Variants in MAML2 observed in about 807,000 individuals in gnomAD.
MAML2 encodes mastermind-like protein 2.
Under a neutral mutation model 96.1 loss-of-function variants are expected in MAML2, and 22 were observed. That is an observed-to-expected ratio of 0.23 (90% CI 0.16 to 0.33). The LOEUF (loss-of-function observed/expected upper bound fraction) is 0.33. Among genes scored for constraint, MAML2 ranks in the 10% least tolerant of loss-of-function variants. The probability of loss-of-function intolerance (pLI) is 1.00; values close to 1 mark genes in which losing one functional copy is unlikely to be tolerated. For missense variants in MAML2, 1,367 were observed against 1,392.4 expected (o/e 0.98, Z 0.29); for synonymous variants, 561 against 521.3 (o/e 1.08, Z -1.04).
intron 2 of MAML2, among the ~76,000 whole-genome samples, chr11:96,084,319 G>A (rs1277583599): frequency 6.6e-6 from 1 of 152,176 alleles, no homozygotes; most frequent in Admixed American, 6.5e-5. Flanking sequence ...GTGATGACAT[G>A]ATCAAATTCC....
In MAML2 at chr11:96,180,389, G is replaced by C. The variant is rs543701441; in HGVS notation, c.514-86872C>G. 2.6e-5 allele frequency among the ~76,000 whole-genome samples: 4 copies of C among 152,312 alleles called. No homozygotes were observed. In the East Asian group the frequency reaches 7.7e-4, roughly 29 times the overall value. ...ACTTCCAAGGCTAGGTTATAAAAAG[G>C]ATACAGTTTCCACTTGGCTCTCTTT... is the stretch of plus-strand genomic sequence containing the variant. On this transcript the variant is annotated intron_variant, in intron 1 of 4. Coordinates refer to ENST00000524717, the MANE Select transcript of MAML2 (RefSeq NM_032427.4).
At chr11:96,019,672 TG>T (rs57826483) in intron 2 of MAML2, among the ~76,000 whole-genome samples, 26,630 of 57,876 alleles carry the variant, frequency 0.46, 2,922 homozygotes, top group East Asian at 0.65. Context: ...AGCCAAGGGC[TG>T]ATAATAATAA....
chr11:96,107,537 C>G (rs141367998), intron 1 of MAML2, among the ~76,000 whole-genome samples: 3 of 152,090 alleles, frequency 2.0e-5, no homozygotes, highest in African/African-American at 7.2e-5. Flanking sequence ...TTACTAAAAC[C>G]CTTGGACTCT....
At chr11:96,297,920 C>G (rs1199638605) in intron 1 of MAML2, among the ~76,000 whole-genome samples, 2 of 152,104 alleles carry the variant, frequency 1.3e-5, no homozygotes, top group Non-Finnish European at 2.9e-5. Context: ...CTGTAAAACA[C>G]AGCCAATTCA....
At chr11:96,131,554 A>T (rs577469748) in intron 1 of MAML2, among the ~76,000 whole-genome samples, 43 of 152,332 alleles carry the variant, frequency 2.8e-4, no homozygotes, top group Admixed American at 2.0e-3. Context: ...TTGCGTTTAT[A>T]TGAAATACCA....
At chr11:96,339,401 A>T (rs968771037) in intron 1 of MAML2, among the ~76,000 whole-genome samples, 5 of 152,228 alleles carry the variant, frequency 3.3e-5, no homozygotes, top group African/African-American at 1.2e-4. Flanking sequence ...ACCCTAGAAA[A>T]AAAAGGCTGT....
intron 2 of MAML2, among the ~76,000 whole-genome samples, chr11:96,073,015 C>T (rs1047005992): frequency 6.6e-6 from 1 of 152,112 alleles, no homozygotes; most frequent in Non-Finnish European, 1.5e-5. Context: ...TTTATATTTC[C>T]AATCTGTGAG....
At chr11:96,289,538 T>G (rs903346236) in intron 1 of MAML2, among the ~76,000 whole-genome samples, 11 of 152,198 alleles carry the variant, frequency 7.2e-5, no homozygotes, top group African/African-American at 2.7e-4. Context: ...CTAACTTGAT[T>G]CTGTGAGAAG....
chr11:96,177,562 T>C (rs1861406631), intron 1 of MAML2, among the ~76,000 whole-genome samples: 1 of 152,228 alleles, frequency 6.6e-6, no homozygotes. Flanking sequence ...TGGTGGGGGA[T>C]GGGTTTTTAT....
intron 1 of MAML2, among the ~76,000 whole-genome samples, chr11:96,309,658 G>T (rs1863510338): frequency 6.6e-6 from 1 of 151,310 alleles, no homozygotes; most frequent in African/African-American, 2.4e-5. Context: ...AGTGCCCAAG[G>T]TATTGACTAC....
rs190752380 is a variant in MAML2, at chr11:96,292,626, C to T, written c.513+48757G>A. Among the ~76,000 whole-genome samples the T allele has an allele frequency of 1.1e-3, 163 of 152,300 alleles. 1 individual carries two copies. Among genetic ancestry groups the T allele is most frequent in the Middle Eastern group, 6.8e-3 (2 of 292 alleles). ...CCATGTCTCTCCTAAGTAGAAAGTT[C>T]CTTTTTTATCTGTTGTCCAAAACTC... On this transcript the variant is annotated intron_variant, in intron 1 of 4. Transcript: ENST00000524717.
chr11:96,098,004 C>T (rs1424448542), intron 1 of MAML2, among the ~76,000 whole-genome samples: 1 of 152,224 alleles, frequency 6.6e-6, no homozygotes, highest in Non-Finnish European at 1.5e-5. Context: ...GCTGTCTTCC[C>T]TTTCGGCCTC....
chr11:96,250,907 C>T (rs1004297112), intron 1 of MAML2, among the ~76,000 whole-genome samples: 1 of 152,152 alleles, frequency 6.6e-6, no homozygotes, highest in Non-Finnish European at 1.5e-5. Context: ...CTCTTAATTT[C>T]ATACTTGGAG....
intron 1 of MAML2, among the ~76,000 whole-genome samples, chr11:96,094,752 T>G (rs1219378794): frequency 6.6e-6 from 1 of 152,184 alleles, no homozygotes; most frequent in Non-Finnish European, 1.5e-5. Flanking sequence ...GCTTTCCCAG[T>G]GCTGCAGACC....
intron 1 of MAML2, among the ~76,000 whole-genome samples, chr11:96,249,820 G>C (rs1485631547): frequency 6.6e-6 from 1 of 152,110 alleles, no homozygotes; most frequent in Non-Finnish European, 1.5e-5. Flanking sequence ...TAGACCCAGA[G>C]TAAGCCTATA....
At chr11:96,160,514 C>T (rs1327248533) in intron 1 of MAML2, among the ~76,000 whole-genome samples, 1 of 151,704 alleles carries the variant, frequency 6.6e-6, no homozygotes, top group East Asian at 1.9e-4. Context: ...TGTAACCTCC[C>T]CTTCCAGGGT....
At chr11:96,271,449 C>T (rs78014775) in intron 1 of MAML2, among the ~76,000 whole-genome samples, 28,829 of 152,014 alleles carry the variant, frequency 0.19, 3,056 homozygotes, top group East Asian at 0.4. Flanking sequence ...ACCCAAATCT[C>T]ATCTTGAATT....
At chr11:96,007,950 G>T (rs1040372842) in intron 2 of MAML2, among the ~76,000 whole-genome samples, 1 of 149,872 alleles carries the variant, frequency 6.7e-6, no homozygotes, top group East Asian at 2.0e-4. Context: ...TGGGTGCAGC[G>T]CACCAGCATG....
chr11:96,259,747 T>C (rs930777219), intron 1 of MAML2, among the ~76,000 whole-genome samples: 1 of 152,348 alleles, frequency 6.6e-6, no homozygotes, highest in Middle Eastern at 3.4e-3. Context: ...CAGGGAATTG[T>C]CATAAAACCA....
Sources: gnomAD v4.1 joint callset for allele counts (sites outside exome capture counted in the v4.1 genomes callset) on GRCh38, gnomAD v4.1.1 for gene constraint, MANE v1.5 for transcripts, NCBI Gene and HGNC (gene_info 2026-07-23, HGNC 2026-07-21) for gene names.